EXOC4: variants seen among roughly 807,000 people sequenced by gnomAD.
The protein encoded by EXOC4 is SEC8-like 1.
Under a neutral mutation model 107.2 loss-of-function variants are expected in EXOC4, and 71 were observed. That is an observed-to-expected ratio of 0.66 (90% CI 0.55 to 0.81). EXOC4 has a LOEUF of 0.81. EXOC4 is among the 30% of genes least tolerant of loss of function. The pLI, the probability that EXOC4 is intolerant of heterozygous loss-of-function variation, is 0.00. For synonymous variants in EXOC4, 456 were observed against 441.2 expected (o/e 1.03, Z -0.42); for missense variants, 1,108 against 1,189.6 (o/e 0.93, Z 1.01).
chr7:134,039,321 G>A (rs1381492276), intron 17 of EXOC4, among the ~76,000 whole-genome samples: 2 of 152,078 alleles, frequency 1.3e-5, no homozygotes, highest in African/African-American at 4.8e-5. Flanking sequence ...GCTTCAGGGA[G>A]TCCATAAACC....
chr7:133,767,319 A>T (rs1796159438), intron 10 of EXOC4, among the ~76,000 whole-genome samples: 1 of 151,894 alleles, frequency 6.6e-6, no homozygotes, highest in Non-Finnish European at 1.5e-5. Context: ...CAGAGTCCTT[A>T]TTTATAAAAT....
intron 16 of EXOC4, among the ~76,000 whole-genome samples, chr7:134,005,951 G>A (rs1794634400): frequency 6.6e-6 from 1 of 152,146 alleles, no homozygotes; most frequent in Admixed American, 6.5e-5. Flanking sequence ...GATGTGTTCT[G>A]TTGGGGTATA....
chr7:133,845,604 G>A (rs1355804029), intron 11 of EXOC4, among the ~76,000 whole-genome samples: 2 of 151,888 alleles, frequency 1.3e-5, no homozygotes, highest in African/African-American at 4.8e-5. Flanking sequence ...TTTCACATAT[G>A]CCTACTCTCT....
In EXOC4 at chr7:134,064,543, G is replaced by T; in HGVS notation, c.*15G>T. The T allele has an allele frequency of 6.5e-7, 1 of 1,532,240 alleles. No individual in the cohort carries two copies. 94.9% of individuals were successfully genotyped at this position (1,532,240 alleles called of 1,614,324 possible). On this transcript the variant is annotated 3_prime_UTR_variant, in exon 18 of 18. Coordinates refer to ENST00000253861, the MANE Select transcript of EXOC4 (RefSeq NM_021807.4). ...CTACCGTTTAGCAGGGCGTACTGCG[G>T]TTGGTGACGGGGGTCCCCTCAGTCA...
chr7:134,081,870 C>T, the EXOC4 span, among the ~76,000 whole-genome samples: 3 of 152,152 alleles, frequency 2.0e-5, no homozygotes, highest in African/African-American at 4.8e-5. Context: ...AATGTAGAGG[C>T]GACAGGACTT....
intron 14 of EXOC4, among the ~76,000 whole-genome samples, chr7:133,972,326 C>T (rs1801261900): frequency 6.6e-6 from 1 of 151,862 alleles, no homozygotes; most frequent in South Asian, 2.1e-4. Context: ...TTAGTCTGTC[C>T]ACTATATTTA....
chr7:134,043,702 C>T (rs988117108), intron 17 of EXOC4, among the ~76,000 whole-genome samples: 1 of 152,060 alleles, frequency 6.6e-6, no homozygotes, highest in Non-Finnish European at 1.5e-5. Context: ...CTATTAGGGG[C>T]ACATTGAGGA....
chr7:134,096,379 A>G, the EXOC4 span, among the ~76,000 whole-genome samples: 1 of 152,186 alleles, frequency 6.6e-6, no homozygotes, highest in Admixed American at 6.5e-5. Flanking sequence ...TTTCTTCTCT[A>G]CTGGGTAGAG....
At chr7:133,486,552 A>C (rs1799273258) in intron 9 of EXOC4, among the ~76,000 whole-genome samples, 1 of 152,170 alleles carries the variant, frequency 6.6e-6, no homozygotes, top group African/African-American at 2.4e-5. Context: ...TGATTAGAAA[A>C]TTCTTTGTTG....
At chr7:133,468,813 A>T (rs995710670) in intron 7 of EXOC4, among the ~76,000 whole-genome samples, 2 of 151,590 alleles carry the variant, frequency 1.3e-5, no homozygotes, top group African/African-American at 2.4e-5. Context: ...ATTTTTTAGT[A>T]TTTTTTTTGG....
intron 9 of EXOC4, among the ~76,000 whole-genome samples, chr7:133,587,054 A>C (rs747075035): frequency 6.6e-6 from 1 of 151,826 alleles, no homozygotes; most frequent in Non-Finnish European, 1.5e-5. Context: ...GGCTGGTCTC[A>C]AACTCCTGAC....
the EXOC4 span, among the ~76,000 whole-genome samples, chr7:134,087,842 G>T: frequency 6.6e-6 from 1 of 152,160 alleles, no homozygotes; most frequent in Admixed American, 6.5e-5. Context: ...ACAAATCATG[G>T]TAAGACTGAT....
chr7:133,714,062 C>CA (rs1288478881), intron 10 of EXOC4, among the ~76,000 whole-genome samples: 1 of 152,154 alleles, frequency 6.6e-6, no homozygotes, highest in Admixed American at 6.5e-5. Flanking sequence ...GATGTGGGCA[C>CA]AACCACTGTC....
At chr7:133,877,776 T>C (rs1185075343) in intron 11 of EXOC4, among the ~76,000 whole-genome samples, 1 of 152,218 alleles carries the variant, frequency 6.6e-6, no homozygotes, top group Non-Finnish European at 1.5e-5. Context: ...ACATGTGCTC[T>C]CTTTCTCTCC....
intron 14 of EXOC4, among the ~76,000 whole-genome samples, chr7:133,988,742 A>G (rs1794178265): frequency 6.6e-6 from 1 of 152,190 alleles, no homozygotes; most frequent in Non-Finnish European, 1.5e-5. Context: ...TATGTTTAGG[A>G]AATTTGCTTT....
intron 9 of EXOC4, among the ~76,000 whole-genome samples, chr7:133,492,247 A>G (rs1331074824): frequency 6.6e-6 from 1 of 152,160 alleles, no homozygotes; most frequent in African/African-American, 2.4e-5. Flanking sequence ...CCCAGAACCT[A>G]TTTTGGAGGT....
At chr7:133,789,288 A>G (rs1393383487) in intron 10 of EXOC4, among the ~76,000 whole-genome samples, 1 of 152,236 alleles carries the variant, frequency 6.6e-6, no homozygotes, top group African/African-American at 2.4e-5. Flanking sequence ...AGTTCTCTCC[A>G]GAAAATACTT....
intron 7 of EXOC4, among the ~76,000 whole-genome samples, chr7:133,386,921 CTATAATG>C (rs1796740013): frequency 6.6e-6 from 1 of 152,056 alleles, no homozygotes; most frequent in Admixed American, 6.5e-5. Context: ...AGACAGTGCA[CTATAATG>C]TATTGAACCC....
intron 11 of EXOC4, among the ~76,000 whole-genome samples, chr7:133,879,136 C>G (rs1798911042): frequency 6.6e-6 from 1 of 152,108 alleles, no homozygotes; most frequent in African/African-American, 2.4e-5. Flanking sequence ...CAGAGTGTCG[C>G]TCTGTCGCCA....
Sources: gnomAD v4.1 joint callset for allele counts (sites outside exome capture counted in the v4.1 genomes callset) on GRCh38, gnomAD v4.1.1 for gene constraint, MANE v1.5 for transcripts, NCBI Gene and HGNC (gene_info 2026-07-23, HGNC 2026-07-21) for gene names.